The following CCDC146 variants were observed in gnomAD, a reference collection of about 807,000 sequenced individuals.
CCDC146 encodes the protein coiled-coil domain-containing protein 146.
A neutral mutation model predicts 119.3 loss-of-function variants in CCDC146; 92 were observed. The observed-to-expected ratio is 0.77, with a 90% CI of 0.65 to 0.92. The LOEUF is 0.92. CCDC146 is among the 40% of genes least tolerant of loss of function. The pLI is 0.00. For missense variants in CCDC146, 1,000 were observed against 1,103.0 expected (o/e 0.91, Z 1.32); for synonymous variants, 372 against 371.8 (o/e 1.00, Z -0.01).
intron 1 of CCDC146, among the ~76,000 whole-genome samples, chr7:77,154,991 T>C (rs971757350): frequency 2.6e-5 from 4 of 152,214 alleles, no homozygotes; most frequent in Non-Finnish European, 5.9e-5. Context: ...ATTTCTACTT[T>C]ACAGACCTTC....
intron 2 of CCDC146, among the ~76,000 whole-genome samples, chr7:77,189,167 G>A (rs1284749924): frequency 6.6e-6 from 1 of 151,750 alleles, no homozygotes; most frequent in African/African-American, 2.4e-5. Context: ...TCTGATTCCA[G>A]CCTCCCACCC....
intron 4 of CCDC146, among the ~76,000 whole-genome samples, chr7:77,247,244 TA>T (rs1792970052): frequency 6.6e-6 from 1 of 152,188 alleles, no homozygotes; most frequent in African/African-American, 2.4e-5. Flanking sequence ...TTAAATGTCC[TA>T]AAGAATTAGT....
In CCDC146 at chr7:77,294,925, C is replaced by A; in HGVS notation, c.*59C>A. 1 of 1,396,952 alleles carries A rather than the reference C, an allele frequency of 7.2e-7. No individual in the cohort carries two copies. The highest frequency in any genetic ancestry group is 9.9e-7 in the Non-Finnish European group (1 of 1,008,122). The allele number at this position is 1,396,952 out of a possible 1,614,324, so 86.5% of individuals were successfully genotyped here. On this transcript the variant is annotated 3_prime_UTR_variant, in exon 19 of 19. Coordinates refer to ENST00000285871, the MANE Select transcript of CCDC146 (RefSeq NM_020879.3). Reference sequence around the variant, plus strand: ...GACTTCAACCAGGCTTCCTTGTACCCACAGGTGAAAAATGTGAGCATAATA... The same window carrying A: ...GACTTCAACCAGGCTTCCTTGTACCAACAGGTGAAAAATGTGAGCATAATA...
chr7:77,204,495 C>G (rs1256831846), intron 2 of CCDC146, among the ~76,000 whole-genome samples: 1 of 152,136 alleles, frequency 6.6e-6, no homozygotes, highest in African/African-American at 2.4e-5. Context: ...AATGAAAGAT[C>G]TATTATGGGA....
rs1363186793 is a variant in CCDC146, at chr7:77,167,729, C to G, written c.61C>G (p.Gln21Glu). Residue 21 changes from glutamine to glutamate, a missense_variant, in exon 2 of 19, where the codon CAA becomes GAA. Gln to Glu is a conservative substitution (Grantham distance 29). Coordinates refer to ENST00000285871, the MANE Select transcript of CCDC146 (RefSeq NM_020879.3). ...GGAAGAGGAGAAAGATGAAAAGGATCAAGAGCCCATTTATGCCATAGTGCC... is the reference window on the plus strand; with the variant it reads ...GGAAGAGGAGAAAGATGAAAAGGATGAAGAGCCCATTTATGCCATAGTGCC... Reference protein sequence around the residue: ...EEEEEKDEKDQEPIYAIVPTI... With the variant: ...EEEEEKDEKDEEPIYAIVPTI... The G allele has an allele frequency of 1.9e-6, 3 of 1,610,650 alleles. No individual in the cohort carries two copies. The African/African-American group carries it at 4.0e-5, about 22-fold the overall frequency.
At chr7:77,123,979 T>C (rs1213404148) in intron 1 of CCDC146, among the ~76,000 whole-genome samples, 1 of 152,226 alleles carries the variant, frequency 6.6e-6, no homozygotes, top group African/African-American at 2.4e-5. Context: ...CTATTTTTTA[T>C]GAAAATTGAC....
chr7:77,261,525 C>T (rs527509283), intron 8 of CCDC146, among the ~76,000 whole-genome samples: 10 of 152,208 alleles, frequency 6.6e-5, no homozygotes, highest in Admixed American at 3.9e-4. Flanking sequence ...GGCCGGACTG[C>T]GGACTGCAGT....
intron 2 of CCDC146, among the ~76,000 whole-genome samples, chr7:77,168,238 C>T (rs1418436172): frequency 6.6e-6 from 1 of 151,986 alleles, no homozygotes; most frequent in African/African-American, 2.4e-5. Context: ...GCACTGAAAT[C>T]TGCTGTTTTC....
At chr7:77,139,905 C>CTT (rs1257158391) in intron 1 of CCDC146, among the ~76,000 whole-genome samples, 1 of 143,180 alleles carries the variant, frequency 7.0e-6, no homozygotes, top group African/African-American at 2.6e-5. Flanking sequence ...ATTTCTTTTT[C>CTT]TTTTTTTTTT....
At chr7:77,155,066 A>C (rs1401258100) in intron 1 of CCDC146, among the ~76,000 whole-genome samples, 1 of 152,228 alleles carries the variant, frequency 6.6e-6, no homozygotes, top group Non-Finnish European at 1.5e-5. Context: ...TGGAACTCTT[A>C]GGCTCTGCTG....
intron 1 of CCDC146, among the ~76,000 whole-genome samples, chr7:77,129,135 G>A (rs1408840515): frequency 6.6e-6 from 1 of 151,966 alleles, no homozygotes; most frequent in Non-Finnish European, 1.5e-5. Flanking sequence ...GGAAAATTCT[G>A]GAAATAACTT....
Position 77,196,386 on chromosome 7 carries a change from T to G in CCDC146, c.156+28562T>G, listed in dbSNP as rs1475387209. ...ACACCAGGCCAGGTACCCCAGAAAA[T>G]CCCATTACGGACACCTCTGTATTTT... On this transcript the variant is annotated intron_variant, in intron 2 of 18. Transcript: ENST00000285871. This position sits in a 1 kb window ranked among gnomAD's most constrained non-coding sequence, Gnocchi z 4.2. 6.2e-7 allele frequency: 1 copy of G among 1,614,024 alleles called. No individual in the cohort carries two copies. Among genetic ancestry groups the G allele is most frequent in the African/African-American group, 1.3e-5 (1 of 74,992 alleles).
chr7:77,162,259 T>C (rs1231129940), intron 1 of CCDC146, among the ~76,000 whole-genome samples: 2 of 152,052 alleles, frequency 1.3e-5, no homozygotes, highest in African/African-American at 4.8e-5. Context: ...TGTTTTCTTC[T>C]AGGAGTTTTA....
At chr7:77,281,178 G>A (rs1793758202) in intron 14 of CCDC146, among the ~76,000 whole-genome samples, 1 of 152,028 alleles carries the variant, frequency 6.6e-6, no homozygotes, top group South Asian at 2.1e-4. Context: ...AAGAGGAGGG[G>A]TTTGGGAAAG....
At chr7:77,248,997 T>C (rs182876923) in intron 4 of CCDC146, among the ~76,000 whole-genome samples, 1 of 152,324 alleles carries the variant, frequency 6.6e-6, no homozygotes, top group East Asian at 1.9e-4. Context: ...TTTCTATAGA[T>C]GCCAAGTATA....
intron 2 of CCDC146, among the ~76,000 whole-genome samples, chr7:77,187,443 C>A (rs562323514): frequency 4.6e-4 from 70 of 151,728 alleles, no homozygotes; most frequent in African/African-American, 1.6e-3. Context: ...AAAATAATGG[C>A]CTTCCATAAT....
At chr7:77,164,116 G>A (rs1584035295) in intron 1 of CCDC146, among the ~76,000 whole-genome samples, 1 of 151,828 alleles carries the variant, frequency 6.6e-6, no homozygotes. Flanking sequence ...ACCTGCCTCC[G>A]TCTCCCAAAG....
chr7:77,182,389 A>G (rs531703094), intron 2 of CCDC146, among the ~76,000 whole-genome samples: 6 of 152,334 alleles, frequency 3.9e-5, no homozygotes, highest in African/African-American at 1.2e-4. Flanking sequence ...ATAATACTTC[A>G]GGGATACTTC....
chr7:77,202,381 G>A (rs1050122274), intron 2 of CCDC146, among the ~76,000 whole-genome samples: 5 of 152,158 alleles, frequency 3.3e-5, no homozygotes, highest in Admixed American at 2.6e-4. Flanking sequence ...GTGGGCTTTT[G>A]GTTCATCTGT....
Sources: gnomAD v4.1 joint callset for allele counts (sites outside exome capture counted in the v4.1 genomes callset) on GRCh38, gnomAD v4.1.1 for gene constraint, Gnocchi (gnomAD v3.1) non-coding constraint, MANE v1.5 for transcripts, NCBI Gene and HGNC (gene_info 2026-07-23, HGNC 2026-07-21) for gene names.